Variants in SLC7A1 observed in about 807,000 individuals in gnomAD.
SLC7A1 encodes the protein solute carrier family 7 member 1.
A neutral mutation model predicts 53.9 loss-of-function variants in SLC7A1; 10 were observed. The ratio of observed to expected loss-of-function variants is 0.19; its 90% CI spans 0.11 to 0.31. The LOEUF is 0.31. SLC7A1 is among the 10% of genes least tolerant of loss of function. SLC7A1 has a pLI of 1.00. For missense variants in SLC7A1, 525 were observed against 827.2 expected (o/e 0.63, Z 4.48); for synonymous variants, 342 against 338.7 (o/e 1.01, Z -0.11).
At chr13:29,571,405 T>G (rs140860516) in intron 1 of SLC7A1, among the ~76,000 whole-genome samples, 6 of 152,202 alleles carry the variant, frequency 3.9e-5, no homozygotes, top group Non-Finnish European at 7.4e-5. Context: ...CATTTAAACA[T>G]GTAAAGGTCC....
At position 29,526,976 on chromosome 13, in the gene SLC7A1, G is replaced by A. The variant is rs898394350; in HGVS notation, c.705-2723C>T. Among the ~76,000 whole-genome samples the A allele has an allele frequency of 6.6e-5, 10 of 151,904 alleles. No individual in the cohort carries two copies. In the East Asian group the frequency reaches 1.4e-3, roughly 21 times the overall value. On this transcript the variant is annotated intron_variant, in intron 5 of 12. Coordinates refer to ENST00000380752, the MANE Select transcript of SLC7A1 (RefSeq NM_003045.5). ...CTGCCACACCTGCTCCTCGTACTGCGCCGCTACACCTGACCTCAGGAGGAC... is the reference window on the plus strand; with the variant it reads ...CTGCCACACCTGCTCCTCGTACTGCACCGCTACACCTGACCTCAGGAGGAC...
intron 1 of SLC7A1, among the ~76,000 whole-genome samples, chr13:29,573,936 G>A (rs17073703): frequency 0.014 from 2,157 of 152,212 alleles, 55 homozygotes; most frequent in African/African-American, 0.049. Context: ...GCATTTCTGC[G>A]TACCCAGCTA....
At chr13:29,586,762 GA>G (rs1477482387) in intron 1 of SLC7A1, 2 of 152,228 alleles carry the variant, frequency 1.3e-5, no homozygotes, top group African/African-American at 4.8e-5. Flanking sequence ...CCACAGGGAT[GA>G]ATATTCACAT....
chr13:29,549,856 G>A (rs868573769), intron 2 of SLC7A1, among the ~76,000 whole-genome samples: 8 of 152,052 alleles, frequency 5.3e-5, no homozygotes, highest in African/African-American at 1.2e-4. Context: ...TAGTAGAGAC[G>A]GGGTTTCACC....
intron 2 of SLC7A1, among the ~76,000 whole-genome samples, chr13:29,539,034 A>C (rs1278225674): frequency 6.6e-6 from 1 of 152,236 alleles, no homozygotes; most frequent in Non-Finnish European, 1.5e-5. Context: ...GGCCAAGTGC[A>C]AGGGAGAGAC....
At chr13:29,518,610 G>A (rs1326798076) in intron 9 of SLC7A1, among the ~76,000 whole-genome samples, 2 of 152,180 alleles carry the variant, frequency 1.3e-5, no homozygotes, top group Non-Finnish European at 2.9e-5. Context: ...CCCTTGGGAG[G>A]AATAAGGGGT....
chr13:29,568,295 G>A (rs1273067040), intron 1 of SLC7A1, among the ~76,000 whole-genome samples: 1 of 151,986 alleles, frequency 6.6e-6, no homozygotes, highest in East Asian at 1.9e-4. Context: ...CTCCTTAAAG[G>A]AATCCATCTT....
chr13:29,517,443 GTAAC>G, intron 10 of SLC7A1, 126 bp downstream of exon 10: 1 of 1,218,356 alleles, frequency 8.2e-7, no homozygotes, highest in Non-Finnish European at 1.2e-6. Context: ...TTAACACAGA[GTAAC>G]TATGTCCCAG....
rs1167062364 is a variant in SLC7A1 at position 29,554,124 on chromosome 13, ATTTC to A, written c.-114-268_-114-265del. 3.9e-5 allele frequency among the ~76,000 whole-genome samples: 6 copies of A among 152,300 alleles called. No individual in the cohort carries two copies. The East Asian group carries it at 1.2e-3, about 29-fold the overall frequency. ...CTTTACCTCTGAAACTGACTCTCATATTTCAAAGAGGAAGATAGAAAAGCGTCAC... is the reference window on the plus strand; with the variant it reads ...CTTTACCTCTGAAACTGACTCTCATAAAAGAGGAAGATAGAAAAGCGTCAC... On this transcript the variant is annotated intron_variant, in intron 1 of 12. Transcript: ENST00000380752.
At chr13:29,539,701 G>C (rs932222468) in intron 2 of SLC7A1, among the ~76,000 whole-genome samples, 3 of 152,166 alleles carry the variant, frequency 2.0e-5, no homozygotes, top group Non-Finnish European at 4.4e-5. Context: ...AAGTGCTTGG[G>C]TCTCAGTGGG....
At chr13:29,529,767 T>C (rs1454224157) in intron 5 of SLC7A1, among the ~76,000 whole-genome samples, 1 of 152,216 alleles carries the variant, frequency 6.6e-6, no homozygotes, top group Non-Finnish European at 1.5e-5. Context: ...TAATGAAGAA[T>C]CACACACAAA....
intron 1 of SLC7A1, among the ~76,000 whole-genome samples, chr13:29,590,080 C>T (rs1438349635): frequency 1.3e-5 from 2 of 152,146 alleles, no homozygotes; most frequent in Non-Finnish European, 2.9e-5. Flanking sequence ...CAGAGAAGGA[C>T]ACTTCGAACA....
At chr13:29,523,551 G>T in intron 6 of SLC7A1, 63 bp from the exon 7 acceptor site, 1 of 1,252,046 alleles carries the variant, frequency 8.0e-7, no homozygotes, top group South Asian at 1.2e-5. Context: ...CTGCCCACAT[G>T]ACACCCAAGG....
chr13:29,529,171 A>G (rs1206530602), intron 5 of SLC7A1, among the ~76,000 whole-genome samples: 1 of 152,332 alleles, frequency 6.6e-6, no homozygotes, highest in East Asian at 1.9e-4. Flanking sequence ...GTTCTCCATA[A>G]CAGAGTTTAG....
At chr13:29,547,455 C>G (rs1869972524) in intron 2 of SLC7A1, among the ~76,000 whole-genome samples, 2 of 152,088 alleles carry the variant, frequency 1.3e-5, no homozygotes, top group African/African-American at 4.8e-5. Flanking sequence ...GCAGATAAAG[C>G]AGATGGATTA....
chr13:29,542,190 C>G (rs1051241636), intron 2 of SLC7A1, among the ~76,000 whole-genome samples: 8 of 152,306 alleles, frequency 5.3e-5, no homozygotes, highest in Admixed American at 2.0e-4. Context: ...CGCGGTGGCT[C>G]ACACCTGTAA....
intron 12 of SLC7A1, 22 bp downstream of exon 12, chr13:29,516,116 T>C: frequency 6.6e-7 from 1 of 1,504,352 alleles, no homozygotes; most frequent in East Asian, 2.3e-5. Context: ...ATCTTGGACG[T>C]GCTGGCAGCA....
chr13:29,579,742 A>G (rs1160331179), intron 1 of SLC7A1, among the ~76,000 whole-genome samples: 1 of 152,160 alleles, frequency 6.6e-6, no homozygotes, highest in Non-Finnish European at 1.5e-5. Flanking sequence ...GAACGGCCCA[A>G]GTTCCTCCGG....
At chr13:29,581,814 C>CCT (rs1189487246) in intron 1 of SLC7A1, among the ~76,000 whole-genome samples, 1 of 152,220 alleles carries the variant, frequency 6.6e-6, no homozygotes, top group Non-Finnish European at 1.5e-5. Context: ...CAAGTAGCAA[C>CCT]CTCTCCTTCG....
Sources: gnomAD v4.1 joint callset for allele counts (sites outside exome capture counted in the v4.1 genomes callset) on GRCh38, gnomAD v4.1.1 for gene constraint, MANE v1.5 for transcripts, NCBI Gene and HGNC (gene_info 2026-07-23, HGNC 2026-07-21) for gene names.